Variants in GPHN observed in about 807,000 individuals in gnomAD.
GPHN encodes gephyrin.
GPHN carries 17 observed loss-of-function variants against 95.5 expected under a neutral mutation model. The ratio of observed to expected loss-of-function variants is 0.18; its 90% confidence interval spans 0.12 to 0.27. The LOEUF (loss-of-function observed/expected upper bound fraction) is 0.27, where lower values mean the gene tolerates loss of function less well. Among genes scored for constraint, GPHN ranks in the 10% least tolerant of loss-of-function variants. The pLI is 1.00. For missense variants in GPHN, 660 were observed against 978.1 expected (o/e 0.67, Z 4.34); for synonymous variants, 320 against 322.5 (o/e 0.99, Z 0.08).
intron 1 of GPHN, among the ~76,000 whole-genome samples, chr14:66,647,232 A>G (rs941149734): frequency 6.6e-5 from 10 of 151,338 alleles, no homozygotes; most frequent in African/African-American, 2.4e-4. Context: ...TAAAAATAAA[A>G]TAAATTGTAT....
the GPHN span, among the ~76,000 whole-genome samples, chr14:67,606,184 A>G: frequency 1.3e-5 from 2 of 152,044 alleles, no homozygotes; most frequent in African/African-American, 4.8e-5. Flanking sequence ...TGACAGTGGG[A>G]AAAAAATAGA....
the GPHN span, chr14:67,312,049 A>G: frequency 0.15 from 23,557 of 152,522 alleles, 3,439 homozygotes; most frequent in East Asian, 0.42. Context: ...TGGTTTGGAA[A>G]TTGCATACCT....
chr14:66,649,268 A>T (rs1258396889), intron 1 of GPHN, among the ~76,000 whole-genome samples: 1 of 151,940 alleles, frequency 6.6e-6, no homozygotes, highest in Non-Finnish European at 1.5e-5. Flanking sequence ...TGGGAGGTGG[A>T]GGTTGCAGTG....
chr14:67,301,349 C>T, the GPHN span: 2 of 1,446,774 alleles, frequency 1.4e-6, no homozygotes, highest in Non-Finnish European at 9.6e-7. Context: ...CTGATACTTC[C>T]TATAATCTAG....
intron 10 of GPHN, among the ~76,000 whole-genome samples, chr14:67,032,336 C>T (rs530857623): frequency 1.3e-5 from 2 of 152,154 alleles, no homozygotes; most frequent in Non-Finnish European, 2.9e-5. Context: ...TGCTGTAGTA[C>T]CACAGGGCCT....
chr14:67,432,743 G>A, the GPHN span, among the ~76,000 whole-genome samples: 1 of 152,144 alleles, frequency 6.6e-6, no homozygotes, highest in Non-Finnish European at 1.5e-5. Context: ...GAAGCTCTGA[G>A]GGAGAATCTC....
intron 3 of GPHN, among the ~76,000 whole-genome samples, chr14:66,809,665 A>C (rs1167238483): frequency 6.6e-6 from 1 of 152,140 alleles, no homozygotes; most frequent in African/African-American, 2.4e-5. Context: ...TCCTCCAATT[A>C]AATAGTGTAG....
At chr14:66,643,757 T>G (rs2064575000) in intron 1 of GPHN, among the ~76,000 whole-genome samples, 2 of 151,842 alleles carry the variant, frequency 1.3e-5, no homozygotes, top group South Asian at 2.1e-4. Context: ...GGGGAGTTTT[T>G]TTTTTTTTTA....
At chr14:67,144,637 G>A (rs975351074) in intron 18 of GPHN, among the ~76,000 whole-genome samples, 2 of 152,034 alleles carry the variant, frequency 1.3e-5, no homozygotes, top group Non-Finnish European at 2.9e-5. Flanking sequence ...CTAAGAGTTT[G>A]ATTTATTTTA....
At chr14:67,679,527 C>T in the GPHN span, among the ~76,000 whole-genome samples, 1 of 152,096 alleles carries the variant, frequency 6.6e-6, no homozygotes, top group African/African-American at 2.4e-5. Flanking sequence ...CCTCAGCCTC[C>T]AGAGTAGCTG....
the GPHN span, among the ~76,000 whole-genome samples, chr14:67,216,049 A>T: frequency 6.6e-6 from 1 of 152,168 alleles, no homozygotes; most frequent in African/African-American, 2.4e-5. Context: ...AATAGTGCAT[A>T]GAGTTCCACA....
the GPHN span, among the ~76,000 whole-genome samples, chr14:67,567,599 C>T: frequency 3.3e-5 from 5 of 152,044 alleles, no homozygotes; most frequent in Admixed American, 6.6e-5. Flanking sequence ...CCTTCCTCAC[C>T]GCCCCTCTGT....
intron 4 of GPHN, among the ~76,000 whole-genome samples, chr14:66,849,021 T>C (rs1487966419): frequency 6.6e-6 from 1 of 151,922 alleles, no homozygotes; most frequent in Non-Finnish European, 1.5e-5. Flanking sequence ...TTGTATATTA[T>C]ATCTAATTTA....
chr14:67,724,635 C>T, the GPHN span: 74 of 1,402,882 alleles, frequency 5.3e-5, no homozygotes, highest in African/African-American at 1.4e-5. Flanking sequence ...TGCCTCCCAC[C>T]CTTCTTCCCA....
the GPHN span, among the ~76,000 whole-genome samples, chr14:67,370,126 G>A: frequency 6.6e-6 from 1 of 152,272 alleles, no homozygotes; most frequent in African/African-American, 2.4e-5. Flanking sequence ...GATCACTCAT[G>A]CTTTTGTTTG....
At chr14:67,320,461 A>C in the GPHN span, 1 of 1,410,530 alleles carries the variant, frequency 7.1e-7, no homozygotes, top group Non-Finnish European at 9.4e-7. Context: ...ACCTAACTAT[A>C]TCATGTAGGG....
At chr14:67,199,194 C>T in the GPHN span, 1 of 1,606,228 alleles carries the variant, frequency 6.2e-7, no homozygotes, top group Non-Finnish European at 8.5e-7. Flanking sequence ...CACCCACATG[C>T]CAAAGGATAG....
intron 10 of GPHN, among the ~76,000 whole-genome samples, chr14:67,051,794 G>C (rs1220462725): frequency 6.6e-6 from 1 of 152,138 alleles, no homozygotes; most frequent in African/African-American, 2.4e-5. Context: ...GAAGAGATTG[G>C]GGGCCAATAT....
chr14:67,037,670 A>G (rs1011281282), intron 10 of GPHN, among the ~76,000 whole-genome samples: 1 of 152,006 alleles, frequency 6.6e-6, no homozygotes, highest in Non-Finnish European at 1.5e-5. Flanking sequence ...AAGAAGATAT[A>G]CAAATGGCCA....
Sources: allele counts gnomAD v4.1 joint callset (sites outside exome capture counted in the v4.1 genomes callset), GRCh38; gene constraint gnomAD v4.1.1; transcripts MANE v1.5; gene names NCBI Gene and HGNC (gene_info 2026-07-23, HGNC 2026-07-21).